RIPOR3: variants seen among roughly 807,000 people sequenced by gnomAD.
RIPOR3 encodes the protein RIPOR family member 3.
RIPOR3 carries 95 observed loss-of-function variants against 114.3 expected under a neutral mutation model. That is an observed-to-expected ratio of 0.83 (90% CI 0.70 to 0.99). RIPOR3 has a LOEUF of 0.99. Ranked by LOEUF, RIPOR3 falls within the 50% of genes least tolerant of loss-of-function variation. The pLI is 0.00. For synonymous variants in RIPOR3, 575 were observed against 543.8 expected, an observed-to-expected ratio of 1.06 and a Z score of -0.80; for missense variants, 1,252 against 1,266.9, an observed-to-expected ratio of 0.99 and a Z score of 0.18.
At chr20:50,654,167 T>C (rs1156616115) in intron 1 of RIPOR3, among the ~76,000 whole-genome samples, 2 of 152,118 alleles carry the variant, frequency 1.3e-5, no homozygotes, top group Non-Finnish European at 2.9e-5. Context: ...TTTTTTCTTT[T>C]TCTTTCCTTT....
chr20:50,671,379 TTCTCTCTCCC>T (rs1568953244), intron 1 of RIPOR3, among the ~76,000 whole-genome samples: 1 of 151,474 alleles, frequency 6.6e-6, no homozygotes, highest in African/African-American at 2.4e-5. Context: ...ACTTCCACCT[TTCTCTCTCCC>T]TCTCTCTCAC....
chr20:50,633,800 G>C (rs1476613603), intron 1 of RIPOR3, among the ~76,000 whole-genome samples: 3 of 152,132 alleles, frequency 2.0e-5, no homozygotes, highest in Non-Finnish European at 4.4e-5. Context: ...GACGACGAAG[G>C]AGGGAAACTA....
intron 17 of RIPOR3, among the ~76,000 whole-genome samples, chr20:50,593,812 C>T (rs1310071246): frequency 6.6e-6 from 1 of 152,178 alleles, no homozygotes; most frequent in African/African-American, 2.4e-5. Flanking sequence ...TGGAACATGA[C>T]TGTCACCTTT....
intron 6 of RIPOR3, among the ~76,000 whole-genome samples, chr20:50,609,980 A>ACCTG (rs1555846175): frequency 4.0e-4 from 21 of 52,738 alleles, no homozygotes; most frequent in African/African-American, 1.3e-3. Context: ...TGCCACCCCT[A>ACCTG]CCACCCCTGC....
In RIPOR3 at chr20:50,608,163, G is replaced by A. The variant is rs750901514; in HGVS notation, c.956+226C>T. Among the ~76,000 whole-genome samples the A allele has an allele frequency of 8.5e-5, 13 of 152,208 alleles. No homozygotes were observed. The South Asian group carries it at 1.0e-3, about 12-fold the overall frequency. ...CTTCCCTGTGGCTTTAATAGTCAGG[G>A]GTTCAGAAGCAAGAAGGGAAGCAAA... On this transcript the variant is annotated intron_variant, in intron 11 of 21. Coordinates refer to ENST00000327979, the MANE Select transcript of RIPOR3 (RefSeq NM_001290268.2).
In RIPOR3 at chr20:50,615,935, C is replaced by T. The variant is rs540107538; in HGVS notation, c.348+67G>A. ...ACACCGTGACATAGGCTAGAAGGAA[C>T]GCAGGGTTCATCTTTTACTCCTGGC... is the stretch of plus-strand genomic sequence containing the variant. On this transcript the variant is annotated intron_variant, in intron 4 of 21. Coordinates refer to ENST00000327979, the MANE Select transcript of RIPOR3 (RefSeq NM_001290268.2). 341 of 1,448,670 alleles carry T rather than the reference C, an allele frequency of 2.4e-4. No individual in the cohort carries two copies. In the African/African-American group the frequency reaches 2.7e-3, roughly 11 times the overall value. The allele number at this position is 1,448,670 out of a possible 1,614,324, so 89.7% of individuals were successfully genotyped here.
intron 4 of RIPOR3, among the ~76,000 whole-genome samples, chr20:50,612,744 A>C (rs1198110466): frequency 2.0e-5 from 3 of 152,218 alleles, no homozygotes; most frequent in African/African-American, 7.2e-5. Flanking sequence ...ATTCAACCCC[A>C]AAAAGTCCCA....
intron 1 of RIPOR3, among the ~76,000 whole-genome samples, chr20:50,689,105 G>A (rs1367222590): frequency 6.6e-6 from 1 of 150,868 alleles, no homozygotes; most frequent in African/African-American, 2.4e-5. Flanking sequence ...CTTCATTCCC[G>A]CCTCCTCCAG....
rs773955348 is a variant in RIPOR3, at chr20:50,595,419, A to G, written c.2000T>C (p.Leu667Pro). 5 of 1,614,172 alleles carry G rather than the reference A, an allele frequency of 3.1e-6. No individual in the cohort carries two copies. The African/African-American group carries it at 5.3e-5, about 17-fold the overall frequency. The change falls in exon 16 of 22, where the codon CTT (leucine) becomes CCT (proline). Residue 667 changes from leucine to proline, a missense_variant. Transcript: ENST00000327979. ...GACCTTCTCAAAGTCAAGGACAGAA[A>G]GTGTCTCCAGAACGTGCTTTTGCTG... ...VAQQKHVLET[L>P]SVLDFEKVGK...
chr20:50,597,830 A>G, intron 13 of RIPOR3, 120 bp from the exon 14 acceptor site: 1 of 1,414,218 alleles, frequency 7.1e-7, no homozygotes. Flanking sequence ...CCAATCCCAC[A>G]CACCGTCCCC....
At chr20:50,627,213 A>G (rs921574469) in intron 2 of RIPOR3, among the ~76,000 whole-genome samples, 2 of 151,548 alleles carry the variant, frequency 1.3e-5, no homozygotes, top group African/African-American at 2.4e-5. Context: ...AAGAATTTCT[A>G]TTTGGTGCCA....
At position 50,620,066 on chromosome 20, in the gene RIPOR3, C is replaced by G. The variant is rs148777612; in HGVS notation, c.189G>C (p.Thr63=). Residue 63 remains threonine (T), a synonymous_variant, in exon 3 of 22, where the codon ACG becomes ACC. Transcript: ENST00000327979. Reference sequence around the variant, plus strand: ...CTGCACAGACCGACCCCTTCCGCAGCGTGCCGTACATCTTGGAGGATTTTG... The same window carrying G: ...CTGCACAGACCGACCCCTTCCGCAGGGTGCCGTACATCTTGGAGGATTTTG... The part of the protein sequence containing the change: ...MPAKSSKMYG[T]LRKGSVCADP... 755 of 1,614,172 alleles carry G rather than the reference C, an allele frequency of 4.7e-4. 3 individuals are homozygous for G. The African/African-American group carries it at 8.7e-3, about 19-fold the overall frequency.
Position 50,594,599 on chromosome 20 carries a change from G to A in RIPOR3, c.2166C>T (p.Thr722=), listed in dbSNP as rs755111442. 3.0e-5 allele frequency: 49 copies of A among 1,614,012 alleles called. 1 individual carries two copies. The South Asian group carries it at 4.3e-4, about 14-fold the overall frequency. ...ACTTCCCTCTGACTCTGTGCTGGAA[G>A]GTTTTCTTGAGCTGGTTCAGCAGCG... is the stretch of plus-strand genomic sequence containing the variant. ...ATTLLNQLKK[T]FQHRVRGKYP... Residue 722 remains threonine (T), a synonymous_variant, in exon 17 of 22, where the codon ACC becomes ACT. Coordinates refer to ENST00000327979, the MANE Select transcript of RIPOR3 (RefSeq NM_001290268.2).
chr20:50,596,960 T>TTTTTTTC (rs1555837954), intron 14 of RIPOR3: 3 of 152,386 alleles, frequency 2.0e-5, no homozygotes, highest in East Asian at 1.9e-4. Context: ...TAAGAGCTTT[T>TTTTTTTC]TTTTTCTTTT....
intron 14 of RIPOR3, chr20:50,597,200 A>G: frequency 5.7e-6 from 1 of 176,968 alleles, no homozygotes; most frequent in Non-Finnish European, 1.2e-5. Flanking sequence ...TCCTGACCTC[A>G]GGTAATCCGC....
At chr20:50,635,737 G>C (rs537174148) in intron 1 of RIPOR3, among the ~76,000 whole-genome samples, 23 of 152,320 alleles carry the variant, frequency 1.5e-4, no homozygotes, top group African/African-American at 5.3e-4. Flanking sequence ...ACGGAAATGA[G>C]TCCTCCGAGG....
At chr20:50,608,855 C>A (rs576201602) in intron 9 of RIPOR3, 57 bp downstream of exon 9, 2 of 1,607,020 alleles carry the variant, frequency 1.2e-6, no homozygotes, top group East Asian at 4.5e-5. Flanking sequence ...CAGCAGCTCC[C>A]GTCCCCCAAA....
intron 2 of RIPOR3, among the ~76,000 whole-genome samples, chr20:50,624,714 C>T (rs2084553526): frequency 6.6e-6 from 1 of 152,224 alleles, no homozygotes; most frequent in South Asian, 2.1e-4. Flanking sequence ...ATTAAACAGC[C>T]CCTGGCATGC....
chr20:50,648,802 T>G (rs1279755882), intron 1 of RIPOR3, among the ~76,000 whole-genome samples: 1 of 152,052 alleles, frequency 6.6e-6, no homozygotes, highest in Non-Finnish European at 1.5e-5. Flanking sequence ...CCTGTGAGAA[T>G]TGAACGCCTC....
Sources: allele counts gnomAD v4.1 joint callset (sites outside exome capture counted in the v4.1 genomes callset), GRCh38; gene constraint gnomAD v4.1.1; transcripts MANE v1.5; gene names NCBI Gene and HGNC (gene_info 2026-07-23, HGNC 2026-07-21).